Variants in DCHS1 observed in about 807,000 individuals in gnomAD.
The protein encoded by DCHS1 is protocadherin-16.
DCHS1 carries 78 observed loss-of-function variants against 213.9 expected under a neutral mutation model. That is an observed-to-expected ratio of 0.36 (90% CI 0.30 to 0.44). DCHS1 has a LOEUF of 0.44. Ranked by LOEUF, DCHS1 falls within the 20% of genes least tolerant of loss-of-function variation. The probability of loss-of-function intolerance (pLI) is 1.00; values close to 1 mark genes in which losing one functional copy is unlikely to be tolerated. For missense variants in DCHS1, 3,946 were observed against 4,395.9 expected (o/e 0.90, Z 2.89); for synonymous variants, 1,828 against 1,873.7 (o/e 0.98, Z 0.63).
chr11:6,627,583 G>C lies in DCHS1; in HGVS notation c.5456C>G (p.Pro1819Arg), dbSNP rs1424103676. Residue 1819 changes from proline (P) to arginine (R), a missense_variant, in exon 14 of 21, where the codon CCA (proline) becomes CGA (arginine). Pro to Arg is a moderately radical substitution (Grantham distance 103). Transcript: ENST00000299441. This position sits in a 1 kb window ranked among gnomAD's most constrained non-coding sequence, Gnocchi z 5.4. ...TMRPLDREVE[P>R]AFQLRIEARD... ...GGCCTCTATCCTCAGCTGGAAAGCT[G>C]GCTCCACTTCTCTGTCTAGTGGCCG... The C allele has an allele frequency of 1.2e-6, 2 of 1,613,044 alleles. No homozygotes were observed. Among genetic ancestry groups the C allele is most frequent in the Non-Finnish European group, 1.7e-6 (2 of 1,179,718 alleles).
intron 1 of DCHS1, among the ~76,000 whole-genome samples, chr11:6,647,714 T>A (rs1255868999): frequency 6.6e-6 from 1 of 152,138 alleles, no homozygotes; most frequent in Non-Finnish European, 1.5e-5. Flanking sequence ...AACACAGCCT[T>A]AATTTGGTCG....
In DCHS1 at chr11:6,627,355, C is replaced by T; in HGVS notation, c.5684G>A (p.Gly1895Asp). Residue 1895 changes from glycine to aspartate, a missense_variant, in exon 14 of 21, where the codon GGC becomes GAC. Physicochemically the swap from Gly to Asp is moderately conservative, Grantham distance 94 (BLOSUM62 -1). Around this residue, in one of 3 missense-constraint regions of DCHS1, gnomAD observed 3,384 missense variants for 3,780.1 expected, o/e 0.90. Transcript: ENST00000299441. This position sits in a 1 kb window ranked among gnomAD's most constrained non-coding sequence, Gnocchi z 5.4. ...GANGHVTYYLGAGTAGAFLLE... is the reference protein window; with the variant it reads ...GANGHVTYYLDAGTAGAFLLE... ...CAGGAAGGCTCCTGCTGTACCGGCGCCCAGGTAGTAGGTCACATGGCCATT... is the reference window on the plus strand; with the variant it reads ...CAGGAAGGCTCCTGCTGTACCGGCGTCCAGGTAGTAGGTCACATGGCCATT... The T allele has an allele frequency of 1.2e-6, 2 of 1,608,064 alleles. No homozygotes were observed. Among genetic ancestry groups the T allele is most frequent in the Middle Eastern group, 1.7e-4 (1 of 6,054 alleles).
Position 6,655,766 on chromosome 11 carries a change from G to T in DCHS1, c.-324C>A. On this transcript the variant is annotated 5_prime_UTR_variant, in exon 1 of 21. Transcript: ENST00000299441. ...TCGGTCCGTCCGCTGACGCCCGGGCGCCGCCTCCTGCACAGCCGCCCCGCC... is the reference window on the plus strand; with the variant it reads ...TCGGTCCGTCCGCTGACGCCCGGGCTCCGCCTCCTGCACAGCCGCCCCGCC... 1 of 979,516 alleles carries T rather than the reference G, an allele frequency of 1.0e-6. No homozygotes were observed. The highest frequency in any genetic ancestry group is 1.2e-6 in the Non-Finnish European group (1 of 827,796). The allele number at this position is 979,516 out of a possible 1,614,324, so 60.7% of individuals were successfully genotyped here.
rs1309801026 is a variant in DCHS1 at position 6,633,662 on chromosome 11, T to C, written c.2219-14A>G. On this transcript the variant is annotated splice_polypyrimidine_tract_variant and intron_variant, in intron 4 of 20. Coordinates refer to ENST00000299441, the MANE Select transcript of DCHS1 (RefSeq NM_003737.4). ...CTGTCAACAGCCCTGAGAGGAAGAA[T>C]AGAAGCAGAGATATATAAGGAAACA... 13 of 1,606,924 alleles carry C rather than the reference T, an allele frequency of 8.1e-6. No homozygotes were observed. Among genetic ancestry groups the C allele is most frequent in the Non-Finnish European group, 1.7e-6 (2 of 1,176,350 alleles).
At chr11:6,648,058 G>T (rs1285119466) in intron 1 of DCHS1, among the ~76,000 whole-genome samples, 12 of 152,204 alleles carry the variant, frequency 7.9e-5, no homozygotes, top group South Asian at 2.1e-4. Flanking sequence ...GTTCCATTTG[G>T]ACACTGCAGA....
In DCHS1 at chr11:6,632,393, C is replaced by T. The variant is rs1855924524; in HGVS notation, c.3119G>A (p.Gly1040Glu). The change falls in exon 6 of 21, where the codon GGA becomes GAA. Residue 1040 changes from glycine (G) to glutamate (E), a missense_variant. Gly to Glu is a moderately conservative substitution (Grantham distance 98). Transcript: ENST00000299441. This position sits in a 1 kb window ranked among gnomAD's most constrained non-coding sequence, Gnocchi z 5.9. The part of the protein sequence containing the change: ...GPITYHLAAE[G>E]ASSPFGLEPQ... ...CTCCAGGCCAAAGGGGCTACTTGCTCCCTCTGCTGCAAGGTGATAGGTGAT... is the reference window on the plus strand; with the variant it reads ...CTCCAGGCCAAAGGGGCTACTTGCTTCCTCTGCTGCAAGGTGATAGGTGAT... 6.2e-7 allele frequency: 1 copy of T among 1,613,840 alleles called. No individual in the cohort carries two copies. Among genetic ancestry groups the T allele is most frequent in the East Asian group, 2.2e-5 (1 of 44,884 alleles).
At position 6,624,023 on chromosome 11, in the gene DCHS1, C is replaced by T; in HGVS notation, c.7653G>A (p.Leu2551=). 1 of 1,613,602 alleles carries T rather than the reference C, an allele frequency of 6.2e-7. No homozygotes were observed. The highest frequency in any genetic ancestry group is 8.5e-7 in the Non-Finnish European group (1 of 1,179,806). Residue 2551 remains leucine, a synonymous_variant, in exon 21 of 21, where the codon CTG becomes CTA. Coordinates refer to ENST00000299441, the MANE Select transcript of DCHS1 (RefSeq NM_003737.4). The part of the protein sequence containing the change: ...GESAGPGPRA[L]GCLVLLEPLD... The stretch of plus-strand genomic sequence containing the variant: ...GAGGTTCAAGCAACACCAGGCAGCC[C>T]AGTGCCCGGGGGCCTGGTCCAGCAC...
In DCHS1 at chr11:6,632,306, A is replaced by T. The variant is rs781312935; in HGVS notation, c.3206T>A (p.Ile1069Lys). ...ALDREAQELY[I>K]LKVMAVSGSK... The stretch of plus-strand genomic sequence containing the variant: ...CCCAGACACTGCCATTACCTTCAGT[A>T]TGTACAATTCCTGGGCCTCACGGTC... The change falls in exon 6 of 21, where the codon ATA becomes AAA. Residue 1069 changes from isoleucine (I) to lysine (K), a missense_variant. Coordinates refer to ENST00000299441, the MANE Select transcript of DCHS1 (RefSeq NM_003737.4). The surrounding 1 kb of genome is among the most constrained non-coding windows in gnomAD (Gnocchi z 5.9). The T allele has an allele frequency of 5.5e-5, 88 of 1,613,802 alleles. No homozygotes were observed. Among genetic ancestry groups the T allele is most frequent in the Non-Finnish European group, 7.3e-5 (86 of 1,179,844 alleles).
intron 6 of DCHS1, 90 bp from the exon 7 acceptor site, chr11:6,631,899 G>A: frequency 6.9e-7 from 1 of 1,452,038 alleles, no homozygotes; most frequent in Non-Finnish European, 9.1e-7. Context: ...TGGGGAGTGG[G>A]GGAGGGAATG....
Position 6,621,601 on chromosome 11 carries a change from G to A in DCHS1, c.*178C>T, listed in dbSNP as rs1237474924. 6.6e-6 allele frequency: 5 copies of A among 757,138 alleles called. No homozygotes were observed. The highest frequency in any genetic ancestry group is 1.7e-5 in the African/African-American group (1 of 58,256). 46.9% of individuals were successfully genotyped at this position (757,138 alleles called of 1,614,324 possible). A position where few individuals can be genotyped will look rare whatever the true frequency, so the allele number is the denominator to read the frequency against. ...CCTGGTCACAGGTCAGTGAGCAACA[G>A]GGCTTCTGTGGTCCTAGTACTCTGA... On this transcript the variant is annotated 3_prime_UTR_variant, in exon 21 of 21. Coordinates refer to ENST00000299441, the MANE Select transcript of DCHS1 (RefSeq NM_003737.4).
chr11:6,641,634 G>T lies in DCHS1; in HGVS notation c.-21C>A. ...TGCATGACAAGGGTAGTCCAGCTGTGCCTTGGGCTCCAGCTCCAGGCCAGG... is the reference window on the plus strand; with the variant it reads ...TGCATGACAAGGGTAGTCCAGCTGTTCCTTGGGCTCCAGCTCCAGGCCAGG... On this transcript the variant is annotated 5_prime_UTR_variant, in exon 2 of 21. Transcript: ENST00000299441. The surrounding 1 kb of genome is among the most constrained non-coding windows in gnomAD (Gnocchi z 7.1). 1 of 1,519,938 alleles carries T rather than the reference G, an allele frequency of 6.6e-7. No homozygotes were observed. Among genetic ancestry groups the T allele is most frequent in the South Asian group, 1.2e-5 (1 of 81,026 alleles). The allele number at this position is 1,519,938 out of a possible 1,614,324, so 94.2% of individuals were successfully genotyped here. A position where few individuals can be genotyped will look rare whatever the true frequency, so the allele number is the denominator to read the frequency against.
rs868326454 is a variant in DCHS1 at position 6,655,550 on chromosome 11, C to G, written c.-121+13G>C. 1.0e-5 allele frequency: 10 copies of G among 981,100 alleles called. No individual in the cohort carries two copies. Among genetic ancestry groups the G allele is most frequent in the Middle Eastern group, 5.2e-4 (1 of 1,912 alleles). 60.8% of individuals were successfully genotyped at this position (981,100 alleles called of 1,614,324 possible). A position where few individuals can be genotyped will look rare whatever the true frequency, so the allele number is the denominator to read the frequency against. On this transcript the variant is annotated intron_variant, in intron 1 of 20. Coordinates refer to ENST00000299441, the MANE Select transcript of DCHS1 (RefSeq NM_003737.4). ...GGCGCGGCCAGACGGGCCGGGCGGG[C>G]GCGGGCACTGACCTCCGCGCGACGC...
intron 1 of DCHS1, among the ~76,000 whole-genome samples, chr11:6,653,520 G>A (rs372505330): frequency 6.6e-5 from 10 of 152,270 alleles, no homozygotes; most frequent in East Asian, 1.9e-4. Flanking sequence ...ATGAATTAGC[G>A]TTTTGATTAA....
Position 6,623,273 on chromosome 11 carries a change from C to T in DCHS1, c.8403G>A (p.Val2801=). The T allele has an allele frequency of 6.3e-7, 1 of 1,589,564 alleles. No individual in the cohort carries two copies. The part of the protein sequence containing the change: ...GNLSASVTVS[V]LVTGEDEYDP... ...CATACTCATCCTCTCCAGTCACTAG[C>T]ACCGACACAGTGACAGAGGCTGAGA... Residue 2801 remains valine (V), a synonymous_variant, in exon 21 of 21, where the codon GTG becomes GTA. Transcript: ENST00000299441.
chr11:6,625,990 G>A lies in DCHS1; in HGVS notation c.6661C>T (p.His2221Tyr). 2 of 1,613,402 alleles carry A rather than the reference G, an allele frequency of 1.2e-6. No homozygotes were observed. Among genetic ancestry groups the A allele is most frequent in the Non-Finnish European group, 1.7e-6 (2 of 1,179,664 alleles). Residue 2221 changes from histidine to tyrosine, a missense_variant, in exon 17 of 21, where the codon CAC becomes TAC. This residue lies in a region of DCHS1 where 3,384 missense variants were observed against 3,780.1 expected (regional missense o/e 0.90). Coordinates refer to ENST00000299441, the MANE Select transcript of DCHS1 (RefSeq NM_003737.4). This position sits in a 1 kb window ranked among gnomAD's most constrained non-coding sequence, Gnocchi z 5.3. ...ATAGTGCCTGTGGTTGGGTCTACGTGGAACAATCCACGTGCCGGCTGGGAT... is the reference window on the plus strand; with the variant it reads ...ATAGTGCCTGTGGTTGGGTCTACGTAGAACAATCCACGTGCCGGCTGGGAT... ...AASQPARGLFHVDPTTGTITT... is the reference protein window; with the variant it reads ...AASQPARGLFYVDPTTGTITT...
chr11:6,627,815 G>A lies in DCHS1; in HGVS notation c.5372-148C>T. The A allele has an allele frequency of 1.0e-6, 1 of 999,310 alleles. No homozygotes were observed. Among genetic ancestry groups the A allele is most frequent in the South Asian group, 1.8e-5 (1 of 55,880 alleles). The allele number at this position is 999,310 out of a possible 1,614,324, so 61.9% of individuals were successfully genotyped here. ...AAAACAGAAACAGAAAGTAAAAGAAGATACTATAAAGCAGCTGGTATCATT... is the reference window on the plus strand; with the variant it reads ...AAAACAGAAACAGAAAGTAAAAGAAAATACTATAAAGCAGCTGGTATCATT... On this transcript the variant is annotated intron_variant, in intron 13 of 20. Transcript: ENST00000299441. This position sits in a 1 kb window ranked among gnomAD's most constrained non-coding sequence, Gnocchi z 5.4.
intron 1 of DCHS1, among the ~76,000 whole-genome samples, chr11:6,649,890 G>A (rs1183540752): frequency 1.3e-5 from 2 of 152,314 alleles, no homozygotes; most frequent in African/African-American, 2.4e-5. Context: ...GGGAAGCTGA[G>A]GGTAGGACAG....
At position 6,632,483 on chromosome 11, in the gene DCHS1, G is replaced by A; in HGVS notation, c.3029C>T (p.Pro1010Leu). The A allele has an allele frequency of 6.3e-7, 1 of 1,584,308 alleles. No individual in the cohort carries two copies. Among genetic ancestry groups the A allele is most frequent in the East Asian group, 2.2e-5 (1 of 44,458 alleles). ...FNSPTYRVDL[P>L]SGTTAGTQVL... ...CTGAGTTCCAGCAGTGGTGCCTGAG[G>A]GCAGGTCCACACGGTAGGTAGGGCT... Residue 1010 changes from proline to leucine, a missense_variant, in exon 6 of 21, where the codon CCC becomes CTC. By Grantham distance (98) the Pro-to-Leu change is moderately conservative (BLOSUM62 -3). Around this residue, in one of 3 missense-constraint regions of DCHS1, gnomAD observed 3,384 missense variants for 3,780.1 expected, o/e 0.90. Transcript: ENST00000299441. This position sits in a 1 kb window ranked among gnomAD's most constrained non-coding sequence, Gnocchi z 5.9.
chr11:6,633,299 T>C (rs1200668780), intron 5 of DCHS1, 113 bp downstream of exon 5: 2 of 1,214,728 alleles, frequency 1.6e-6, no homozygotes, highest in Admixed American at 2.2e-5. Context: ...ACAGGAGTGT[T>C]TTATACTGGG....
Sources: allele counts gnomAD v4.1 joint callset (sites outside exome capture counted in the v4.1 genomes callset), GRCh38; gene constraint gnomAD v4.1.1; regional missense constraint gnomAD v4.1.1; non-coding constraint Gnocchi (gnomAD v3.1); transcripts MANE v1.5; gene names NCBI Gene and HGNC (gene_info 2026-07-23, HGNC 2026-07-21).